The following PPRC1 variants were observed in gnomAD, a reference collection of about 807,000 sequenced individuals.
PPRC1 encodes the protein PPARG related coactivator 1.
In PPRC1, 23 loss-of-function variants were observed where a neutral mutation model predicts 132.5. The observed-to-expected ratio is 0.17, with a 90% CI of 0.12 to 0.25. The LOEUF is 0.25. Among genes scored for constraint, PPRC1 ranks in the 10% least tolerant of loss-of-function variants. The pLI, the probability that PPRC1 is intolerant of heterozygous loss-of-function variation, is 1.00. For synonymous variants in PPRC1, 872 were observed against 833.5 expected, an observed-to-expected ratio of 1.05 and a Z score of -0.80; for missense variants, 2,006 against 2,089.1, an observed-to-expected ratio of 0.96 and a Z score of 0.78.
At chr10:102,144,627 G>A in intron 7 of PPRC1, 1 of 485,054 alleles carries the variant, frequency 2.1e-6, no homozygotes, top group East Asian at 3.8e-5. Flanking sequence ...TTTGCTCAGT[G>A]CTGGTAATGG....
chr10:102,130,082 T>G (rs1469153438), upstream of PPRC1, among the ~76,000 whole-genome samples: 1 of 152,194 alleles, frequency 6.6e-6, no homozygotes, highest in Non-Finnish European at 1.5e-5. Context: ...TTTTAAAGCC[T>G]TTTTGAGAAG....
At chr10:102,137,020 TTGAG>T (rs1169463494) in intron 1 of PPRC1, among the ~76,000 whole-genome samples, 3 of 152,144 alleles carry the variant, frequency 2.0e-5, no homozygotes, top group African/African-American at 7.2e-5. Flanking sequence ...CATTGAGAGG[TTGAG>T]TGTCTCACTG....
At chr10:102,131,255 C>G (rs1485304327), upstream of PPRC1, among the ~76,000 whole-genome samples, 1 of 151,524 alleles carries the variant, frequency 6.6e-6, no homozygotes, top group Non-Finnish European at 1.5e-5. Context: ...CCCAGCTACT[C>G]TGGAGGCTGA....
At chr10:102,138,410 G>A (rs1388695625) in intron 2 of PPRC1, among the ~76,000 whole-genome samples, 33 of 152,194 alleles carry the variant, frequency 2.2e-4, no homozygotes, top group Non-Finnish European at 8.8e-5. Context: ...ACCCAAGCTT[G>A]AGTCAAGTCT....
chr10:102,143,190 G>T, intron 6 of PPRC1, 92 bp downstream of exon 6: 1 of 1,257,604 alleles, frequency 8.0e-7, no homozygotes, highest in East Asian at 2.3e-5. Context: ...GGGTGAGAGG[G>T]GACAGCCTTA....
At position 102,139,387 on chromosome 10, in the gene PPRC1, A is replaced by T; in HGVS notation, c.879A>T (p.Ala293=). 6.2e-7 allele frequency: 1 copy of T among 1,614,270 alleles called. No homozygotes were observed. Among genetic ancestry groups the T allele is most frequent in the Non-Finnish European group, 8.5e-7 (1 of 1,180,050 alleles). ...EEDKATAAEM[A]VPAAGDESIS... ...ATAAAGCAACAGCAGCAGAGATGGC[A>T]GTGCCAGCAGCTGGTGATGAGAGCA... The change falls in exon 5 of 14, where the codon GCA becomes GCT. Residue 293 remains alanine (A), a synonymous_variant. Transcript: ENST00000278070.
the PPRC1 span, among the ~76,000 whole-genome samples, chr10:102,127,018 A>C: frequency 1.4e-5 from 1 of 69,754 alleles, no homozygotes; most frequent in East Asian, 4.0e-4. Flanking sequence ...ATGGTTTTTT[A>C]TCATATATAT....
In PPRC1 at chr10:102,141,438, G is replaced by C. The variant is rs1477693373; in HGVS notation, c.2930G>C (p.Cys977Ser). 2 of 1,613,864 alleles carry C rather than the reference G, an allele frequency of 1.2e-6. No homozygotes were observed. Among genetic ancestry groups the C allele is most frequent in the Non-Finnish European group, 1.7e-6 (2 of 1,180,018 alleles). The change falls in exon 5 of 14, where the codon TGT becomes TCT. Residue 977 changes from cysteine (C) to serine (S), a missense_variant. This residue lies in a region of PPRC1 where 1,914 missense variants were observed against 1,917.2 expected (regional missense o/e 1.00). Transcript: ENST00000278070. ...CCAGTCTCACCTTACAGTTCCACATGTACCTATGGGCCCTTGGGATGGGGC... is the reference window on the plus strand; with the variant it reads ...CCAGTCTCACCTTACAGTTCCACATCTACCTATGGGCCCTTGGGATGGGGC... ...PAPVSPYSST[C>S]TYGPLGWGPG...
In PPRC1 at chr10:102,133,136, C is replaced by T; in HGVS notation, c.68C>T (p.Pro23Leu). Reference sequence around the variant, plus strand: ...CCGAGTGGGGGCCCCGGTCCGGACCCTGGCGGGGGAGCCCGCGGCAGTGGT... The same window carrying T: ...CCGAGTGGGGGCCCCGGTCCGGACCTTGGCGGGGGAGCCCGCGGCAGTGGT... ...PPPSGGPGPD[P>L]GGGARGSGWG... Residue 23 changes from proline (P) to leucine (L), a missense_variant, in exon 1 of 14, where the codon CCT becomes CTT. Pro to Leu is a moderately conservative substitution (Grantham distance 98). Transcript: ENST00000278070. 1 of 1,252,762 alleles carries T rather than the reference C, an allele frequency of 8.0e-7. No individual in the cohort carries two copies. The highest frequency in any genetic ancestry group is 2.7e-4 in the Middle Eastern group (1 of 3,744). 77.6% of individuals were successfully genotyped at this position (1,252,762 alleles called of 1,614,324 possible). A position where few individuals can be genotyped will look rare whatever the true frequency, so the allele number is the denominator to read the frequency against.
At chr10:102,138,350 T>C (rs1226724155) in intron 2 of PPRC1, among the ~76,000 whole-genome samples, 1 of 152,220 alleles carries the variant, frequency 6.6e-6, no homozygotes, top group African/African-American at 2.4e-5. Flanking sequence ...TAGCCGATGG[T>C]TGTCTGCTGA....
chr10:102,120,475 G>A, the PPRC1 span: 2 of 833,578 alleles, frequency 2.4e-6, no homozygotes, highest in Non-Finnish European at 2.9e-6. Flanking sequence ...CCTCGCGCCG[G>A]CGCCGGCTCC....
At chr10:102,143,940 A>G (rs1422509935) in intron 6 of PPRC1, among the ~76,000 whole-genome samples, 1 of 152,236 alleles carries the variant, frequency 6.6e-6, no homozygotes. Context: ...GATTTGTAGA[A>G]CAAGAGTAGG....
rs537798668 is a variant in PPRC1 at position 102,149,278 on chromosome 10, C to G, written c.4840C>G (p.Leu1614Val). 6.2e-7 allele frequency: 1 copy of G among 1,611,516 alleles called. No individual in the cohort carries two copies. The highest frequency in any genetic ancestry group is 1.3e-5 in the African/African-American group (1 of 74,804). ...LRQADEQPFDLCFGGRRQFCK... is the reference protein window; with the variant it reads ...LRQADEQPFDVCFGGRRQFCK... ...GCAGGCAGATGAGCAGCCCTTTGAT[C>G]TCTGCTTTGGGGGCCGAAGGCAGTT... Residue 1614 changes from leucine (L) to valine (V), a missense_variant, in exon 13 of 14, where the codon CTC (leucine) becomes GTC (valine). Coordinates refer to ENST00000278070, the MANE Select transcript of PPRC1 (RefSeq NM_015062.5).
chr10:102,150,265 G>T lies in PPRC1; in HGVS notation c.*236G>T, dbSNP rs941481537. The T allele has an allele frequency of 1.2e-5, 5 of 423,760 alleles. No homozygotes were observed. The highest frequency in any genetic ancestry group is 1.1e-4 in the Admixed American group (3 of 28,256). The allele number at this position is 423,760 out of a possible 1,614,324, so 26.2% of individuals were successfully genotyped here. On this transcript the variant is annotated 3_prime_UTR_variant, in exon 14 of 14. Transcript: ENST00000278070. Reference sequence around the variant, plus strand: ...CCTATGTAAGATAGGAGGGGCTGAGGGGATCCCCAGTGTTTGGAACATAAG... The same window carrying T: ...CCTATGTAAGATAGGAGGGGCTGAGTGGATCCCCAGTGTTTGGAACATAAG...
the PPRC1 span, chr10:102,119,977 TC>T: frequency 1.2e-6 from 1 of 816,030 alleles, no homozygotes; most frequent in Non-Finnish European, 1.8e-6. Context: ...GCCCCCGGCT[TC>T]CCCCATGCCA....
At chr10:102,120,050 G>T in the PPRC1 span, 1 of 1,414,090 alleles carries the variant, frequency 7.1e-7, no homozygotes, top group Non-Finnish European at 9.4e-7. Flanking sequence ...GGACGGCTGG[G>T]CAGGAAGGGG....
chr10:102,133,290 C>G (rs1272373000), intron 1 of PPRC1, 69 bp downstream of exon 1: 10 of 1,197,534 alleles, frequency 8.4e-6, no homozygotes, highest in African/African-American at 1.6e-5. Flanking sequence ...CACGTGGACG[C>G]CACAGGAAAG....
At chr10:102,127,421 C>T in the PPRC1 span, among the ~76,000 whole-genome samples, 1 of 152,090 alleles carries the variant, frequency 6.6e-6, no homozygotes, top group African/African-American at 2.4e-5. Context: ...CTTGCTCTGT[C>T]TCAAGGTTGA....
chr10:102,141,325 C>T lies in PPRC1; in HGVS notation c.2817C>T (p.Pro939=). 3 of 1,614,088 alleles carry T rather than the reference C, an allele frequency of 1.9e-6. No homozygotes were observed. The highest frequency in any genetic ancestry group is 1.3e-5 in the African/African-American group (1 of 75,036). The stretch of plus-strand genomic sequence containing the variant: ...CTTCTGGCTATCCTTGCCTGCCCCC[C>T]CCACCAACGGTGCCCCTAGTGTCTG... ...VSPSGYPCLP[P]PPTVPLVSGT... The change falls in exon 5 of 14, where the codon CCC becomes CCT. Residue 939 remains proline, a synonymous_variant. Coordinates refer to ENST00000278070, the MANE Select transcript of PPRC1 (RefSeq NM_015062.5).
Sources: gnomAD v4.1 joint callset for allele counts (sites outside exome capture counted in the v4.1 genomes callset) on GRCh38, gnomAD v4.1.1 for gene constraint, gnomAD v4.1.1 regional missense constraint, MANE v1.5 for transcripts, NCBI Gene and HGNC (gene_info 2026-07-23, HGNC 2026-07-21) for gene names.